The following TGFBRAP1 variants were observed in gnomAD, a reference collection of about 807,000 sequenced individuals.
TGFBRAP1 encodes transforming growth factor-beta receptor-associated protein 1.
Under a neutral mutation model 83.2 loss-of-function variants are expected in TGFBRAP1, and 20 were observed. The observed-to-expected ratio is 0.24, with a 90% confidence interval of 0.17 to 0.35. The LOEUF is 0.35. Among genes scored for constraint, TGFBRAP1 ranks in the 10% least tolerant of loss-of-function variants. The probability of loss-of-function intolerance (pLI) is 1.00; values close to 1 mark genes in which losing one functional copy is unlikely to be tolerated. For missense variants in TGFBRAP1, 950 were observed against 1,099.4 expected (o/e 0.86, Z 1.92); for synonymous variants, 415 against 459.8 (o/e 0.90, Z 1.25).
chr2:105,307,676 C>T lies in TGFBRAP1; in HGVS notation c.626G>A (p.Arg209Lys). ...QDLFPYCSEE[R>K]PPIVKRIGRQ... Reference sequence around the variant, plus strand: ...CCCTATCCTCTTGACGATCGGCGGCCTCTCCTCACTGCAGTAGGGAAACAG... The same window carrying T: ...CCCTATCCTCTTGACGATCGGCGGCTTCTCCTCACTGCAGTAGGGAAACAG... Residue 209 changes from arginine (R) to lysine (K), a missense_variant, in exon 2 of 12, where the codon AGG (arginine) becomes AAG (lysine). Arg to Lys is a conservative substitution (Grantham distance 26). Coordinates refer to ENST00000393359, the MANE Select transcript of TGFBRAP1 (RefSeq NM_004257.6). 3 of 1,614,152 alleles carry T rather than the reference C, an allele frequency of 1.9e-6. No individual in the cohort carries two copies. Among genetic ancestry groups the T allele is most frequent in the Non-Finnish European group, 2.5e-6 (3 of 1,180,036 alleles).
chr2:105,278,210 T>C (rs1157381829), intron 6 of TGFBRAP1, among the ~76,000 whole-genome samples: 1 of 152,100 alleles, frequency 6.6e-6, no homozygotes, highest in Non-Finnish European at 1.5e-5. Context: ...CCAAAAAGAA[T>C]CTGATTCCAA....
At chr2:105,263,466 C>T (rs1436636399), downstream of TGFBRAP1, among the ~76,000 whole-genome samples, 4 of 152,332 alleles carry the variant, frequency 2.6e-5, no homozygotes, top group East Asian at 1.9e-4. Context: ...CAAGAAAACA[C>T]GCTTGACACA....
chr2:105,305,816 A>G (rs1235438012), intron 2 of TGFBRAP1, among the ~76,000 whole-genome samples: 1 of 150,680 alleles, frequency 6.6e-6, no homozygotes, highest in Non-Finnish European at 1.5e-5. Context: ...CCACCACACC[A>G]GGCTAATTTT....
intron 4 of TGFBRAP1, among the ~76,000 whole-genome samples, chr2:105,285,672 G>T (rs1345762429): frequency 6.6e-6 from 1 of 152,064 alleles, no homozygotes; most frequent in African/African-American, 2.4e-5. Context: ...AGCACCATAA[G>T]ACAGGGTGGA....
chr2:105,259,932 A>G (rs967615337), downstream of TGFBRAP1, among the ~76,000 whole-genome samples: 2 of 152,204 alleles, frequency 1.3e-5, no homozygotes, highest in African/African-American at 2.4e-5. Flanking sequence ...AGGGATTAGG[A>G]CAATAAGCAG....
At chr2:105,305,959 C>A (rs954213611) in intron 2 of TGFBRAP1, among the ~76,000 whole-genome samples, 5 of 150,278 alleles carry the variant, frequency 3.3e-5, no homozygotes, top group Admixed American at 3.3e-4. Flanking sequence ...CCAGCCTCAA[C>A]AACTTTTTAG....
rs1312319870 is a variant in TGFBRAP1 at position 105,296,413 on chromosome 2, T to C, written c.981A>G (p.Glu327=). 1 of 1,614,030 alleles carries C rather than the reference T, an allele frequency of 6.2e-7. No homozygotes were observed. Among genetic ancestry groups the C allele is most frequent in the Non-Finnish European group, 8.5e-7 (1 of 1,180,014 alleles). ...IQDLLASRRV[E]EALVLAKGAR... Reference sequence around the variant, plus strand: ...CTCCTTTTGCTAAAACCAAAGCCTCTTCTACTCTGCGGCTTGCTAGAAGAT... The same window carrying C: ...CTCCTTTTGCTAAAACCAAAGCCTCCTCTACTCTGCGGCTTGCTAGAAGAT... Residue 327 remains glutamate (E), a synonymous_variant, in exon 4 of 12, where the codon GAA becomes GAG. Coordinates refer to ENST00000393359, the MANE Select transcript of TGFBRAP1 (RefSeq NM_004257.6).
rs1295756398 is a variant in TGFBRAP1, at chr2:105,267,002, T to C, written c.*381A>G. The C allele has an allele frequency of 2.7e-5, 5 of 181,922 alleles. No homozygotes were observed. Among genetic ancestry groups the C allele is most frequent in the Admixed American group, 1.1e-4 (2 of 17,958 alleles). The allele number at this position is 181,922 out of a possible 1,614,324, so 11.3% of individuals were successfully genotyped here. A position where few individuals can be genotyped will look rare whatever the true frequency, so the allele number is the denominator to read the frequency against. On this transcript the variant is annotated 3_prime_UTR_variant, in exon 12 of 12. Transcript: ENST00000393359. ...GCCACGTTTCCAGTGCAAACATGAGTCTAAAGGTTGGAGTGTGGGGGTGGT... is the reference window on the plus strand; with the variant it reads ...GCCACGTTTCCAGTGCAAACATGAGCCTAAAGGTTGGAGTGTGGGGGTGGT...
chr2:105,280,122 C>G (rs1011565863), intron 6 of TGFBRAP1, among the ~76,000 whole-genome samples: 2 of 151,530 alleles, frequency 1.3e-5, no homozygotes, highest in African/African-American at 2.4e-5. Context: ...CCAAACTATA[C>G]TCCAAATTAT....
intron 1 of TGFBRAP1, among the ~76,000 whole-genome samples, chr2:105,315,540 T>A (rs531466588): frequency 6.6e-6 from 1 of 152,278 alleles, no homozygotes; most frequent in South Asian, 2.1e-4. Flanking sequence ...CAAACATTTT[T>A]AAAATGGGCA....
At chr2:105,323,317 C>T (rs1481948068) in intron 1 of TGFBRAP1, among the ~76,000 whole-genome samples, 1 of 152,120 alleles carries the variant, frequency 6.6e-6, no homozygotes, top group Non-Finnish European at 1.5e-5. Flanking sequence ...CTTCCTGAAA[C>T]AGAAACAGCG....
chr2:105,257,510 A>G, the TGFBRAP1 span, among the ~76,000 whole-genome samples: 1 of 152,100 alleles, frequency 6.6e-6, no homozygotes, highest in Non-Finnish European at 1.5e-5. Flanking sequence ...GGAATCACAC[A>G]GTATGTGTCC....
chr2:105,290,988 CAG>C (rs1677893387), intron 4 of TGFBRAP1, among the ~76,000 whole-genome samples: 1 of 152,136 alleles, frequency 6.6e-6, no homozygotes, highest in African/African-American at 2.4e-5. Flanking sequence ...GCCTGGGTGA[CAG>C]AGAGAGACTC....
intron 1 of TGFBRAP1, among the ~76,000 whole-genome samples, chr2:105,313,742 C>T (rs1678764049): frequency 6.6e-6 from 1 of 151,838 alleles, no homozygotes; most frequent in Non-Finnish European, 1.5e-5. Flanking sequence ...AGTTGGGATG[C>T]AGTATTGGTT....
chr2:105,282,831 G>GA (rs11288685), intron 5 of TGFBRAP1, among the ~76,000 whole-genome samples: 23,275 of 132,898 alleles, frequency 0.18, 2,222 homozygotes, highest in Middle Eastern at 0.28. Flanking sequence ...GCTTCAAAAC[G>GA]AAAAAAAAAA....
rs1252557708 is a variant in TGFBRAP1 at position 105,265,792 on chromosome 2, C to G, written c.*1591G>C. On this transcript the variant is annotated 3_prime_UTR_variant, in exon 12 of 12. Transcript: ENST00000393359. ...CAGGAAAAAATGGTGCCAATTCCCC[C>G]CAAACAACACATGGATGTTTTTGCT... 1 of 152,308 alleles carries G rather than the reference C, an allele frequency of 6.6e-6. No individual in the cohort carries two copies. The highest frequency in any genetic ancestry group is 1.9e-4 in the East Asian group (1 of 5,180). 9.4% of individuals were successfully genotyped at this position (152,308 alleles called of 1,614,324 possible). A position where few individuals can be genotyped will look rare whatever the true frequency, so the allele number is the denominator to read the frequency against.
chr2:105,283,591 C>T (rs1160212311), intron 5 of TGFBRAP1, among the ~76,000 whole-genome samples: 2 of 152,208 alleles, frequency 1.3e-5, no homozygotes, highest in African/African-American at 4.8e-5. Flanking sequence ...CATAGCAGGT[C>T]TAACTTAATC....
In TGFBRAP1 at chr2:105,319,794, A is replaced by G. The variant is rs377516774; in HGVS notation, c.-18+9831T>C. ...TATAAGATTTTAATATATATGTTTA[A>G]CATATATAGGTATATATGTGTTTAA... On this transcript the variant is annotated intron_variant, in intron 1 of 11. Transcript: ENST00000393359. Among the ~76,000 whole-genome samples, 73 of 150,192 alleles carry G rather than the reference A, an allele frequency of 4.9e-4. No individual in the cohort carries two copies. The East Asian group carries it at 0.011, about 22-fold the overall frequency.
chr2:105,289,127 T>C (rs1411087675), intron 4 of TGFBRAP1, among the ~76,000 whole-genome samples: 2 of 150,868 alleles, frequency 1.3e-5, no homozygotes, highest in Admixed American at 6.6e-5. Context: ...ATTCCAAACA[T>C]GGGAATGGGG....
Sources: allele counts gnomAD v4.1 joint callset (sites outside exome capture counted in the v4.1 genomes callset), GRCh38; gene constraint gnomAD v4.1.1; transcripts MANE v1.5; gene names NCBI Gene and HGNC (gene_info 2026-07-23, HGNC 2026-07-21).